The following ZFYVE26 variants were observed in gnomAD, a reference collection of about 807,000 sequenced individuals.
ZFYVE26 encodes zinc finger FYVE domain-containing protein 26.
In ZFYVE26, 181 loss-of-function variants were observed where a neutral mutation model predicts 276.5. The ratio of observed to expected loss-of-function variants is 0.65; its 90% CI spans 0.58 to 0.74. The LOEUF (loss-of-function observed/expected upper bound fraction) is 0.74, where lower values mean the gene tolerates loss of function less well. ZFYVE26 is among the 30% of genes least tolerant of loss of function. The pLI is 0.00. For missense variants in ZFYVE26, 2,821 were observed against 3,097.9 expected (o/e 0.91, Z 2.12); for synonymous variants, 1,129 against 1,203.1 (o/e 0.94, Z 1.27).
chr14:67,751,241 C>T, intron 40 of ZFYVE26, 145 bp from the exon 41 acceptor site: 1 of 821,654 alleles, frequency 1.2e-6, no homozygotes. Flanking sequence ...CATGGGGTCT[C>T]ACTATGTTGC....
In ZFYVE26 at chr14:67,762,310, G is replaced by T. The variant is rs747542484; in HGVS notation, c.6262C>A (p.Arg2088Ser). 1 of 1,614,142 alleles carries T rather than the reference G, an allele frequency of 6.2e-7. No individual in the cohort carries two copies. The highest frequency in any genetic ancestry group is 1.7e-5 in the Admixed American group (1 of 60,024). Residue 2088 changes from arginine to serine, a missense_variant, in exon 34 of 42, where the codon CGC (arginine) becomes AGC (serine). Physicochemically the swap from Arg to Ser is moderately radical, Grantham distance 110. Coordinates refer to ENST00000347230, the MANE Select transcript of ZFYVE26 (RefSeq NM_015346.4). ...NLTAAREKFS[R>S]CLKPPFDLNQ... ...AGGTCAAATGGGGGCTTCAGACAGC[G>T]ACTGAACTTCTCCCGTGCAGCAGTG...
At chr14:67,754,003 A>C (rs1236555895) in intron 38 of ZFYVE26, 68 bp downstream of exon 38, 2 of 1,609,912 alleles carry the variant, frequency 1.2e-6, no homozygotes, top group Non-Finnish European at 1.7e-6. Context: ...TCACTAGACA[A>C]CTGCAATTAT....
intron 14 of ZFYVE26, 118 bp from the exon 15 acceptor site, chr14:67,790,891 AG>A: frequency 1.1e-6 from 1 of 914,718 alleles, no homozygotes; most frequent in Non-Finnish European, 1.8e-6. Context: ...TGTGCTTTGT[AG>A]GGTCAGAAGA....
Position 67,756,049 on chromosome 14 carries a change from G to C in ZFYVE26, c.6685C>G (p.Pro2229Ala). 6.2e-7 allele frequency: 1 copy of C among 1,614,192 alleles called. No homozygotes were observed. The highest frequency in any genetic ancestry group is 8.5e-7 in the Non-Finnish European group (1 of 1,180,026). ...TACTTTCCCCAGCTCTCCAAGGTTG[G>C]ATCAATGGATTCTAGCAAGTTCTCC... ...TLENLLESID[P>A]TLESWGKYLI... Residue 2229 changes from proline (P) to alanine (A), a missense_variant, in exon 36 of 42, where the codon CCA becomes GCA. Pro to Ala is a conservative substitution (Grantham distance 27, BLOSUM62 -1). Coordinates refer to ENST00000347230, the MANE Select transcript of ZFYVE26 (RefSeq NM_015346.4).
At chr14:67,787,303 C>T (rs1365933771) in intron 16 of ZFYVE26, among the ~76,000 whole-genome samples, 2 of 151,908 alleles carry the variant, frequency 1.3e-5, no homozygotes, top group African/African-American at 4.8e-5. Context: ...CTGCAGTGAG[C>T]CGAGATGGCG....
chr14:67,763,439 A>G (rs916893254), intron 32 of ZFYVE26, among the ~76,000 whole-genome samples: 3 of 152,226 alleles, frequency 2.0e-5, no homozygotes, highest in African/African-American at 7.2e-5. Flanking sequence ...GGATCATAAT[A>G]TCATATTTTT....
At chr14:67,761,264 C>T in intron 35 of ZFYVE26, 102 bp downstream of exon 35, 1 of 1,104,646 alleles carries the variant, frequency 9.1e-7, no homozygotes, top group Non-Finnish European at 1.3e-6. Context: ...TAGCTCAACA[C>T]AGGGTTAAGT....
intron 16 of ZFYVE26, among the ~76,000 whole-genome samples, chr14:67,788,303 C>T (rs2039708823): frequency 2.0e-5 from 3 of 152,258 alleles, no homozygotes; most frequent in African/African-American, 4.8e-5. Flanking sequence ...GCAGGAGAAT[C>T]GCTTGAACCC....
At chr14:67,732,015 C>T (rs1594869217) in intron 13 of ZFYVE26, among the ~76,000 whole-genome samples, 1 of 150,902 alleles carries the variant, frequency 6.6e-6, no homozygotes, top group African/African-American at 2.4e-5. Flanking sequence ...TAATCCCAGC[C>T]ACTCAGGAGG....
Position 67,807,799 on chromosome 14 carries a change from C to A in ZFYVE26, c.485G>T (p.Arg162Met). Residue 162 changes from arginine to methionine, a missense_variant, in exon 5 of 42, where the codon AGG (arginine) becomes ATG (methionine). Coordinates refer to ENST00000347230, the MANE Select transcript of ZFYVE26 (RefSeq NM_015346.4). ...GGCCTGTGCTGGCTGGGGAGACTGC[C>A]TCAGGAGATCCCAGAGCACAGAGAC... ...EAVSVLWDLL[R>M]QSPQPAQALL... is the part of the protein sequence containing the mutation. 6 of 1,614,166 alleles carry A rather than the reference C, an allele frequency of 3.7e-6. No homozygotes were observed. Among genetic ancestry groups the A allele is most frequent in the Non-Finnish European group, 5.1e-6 (6 of 1,180,020 alleles).
downstream of ZFYVE26, among the ~76,000 whole-genome samples, chr14:67,743,529 A>C (rs2038444471): frequency 6.7e-6 from 1 of 149,934 alleles, no homozygotes; most frequent in African/African-American, 2.4e-5. Context: ...AATAAAATAA[A>C]ATAAAATAAA....
At chr14:67,744,473 A>C (rs2038456779), downstream of ZFYVE26, among the ~76,000 whole-genome samples, 1 of 152,220 alleles carries the variant, frequency 6.6e-6, no homozygotes, top group Admixed American at 6.5e-5. Flanking sequence ...ATAGGTATAC[A>C]TGTGCCGTGG....
At chr14:67,742,905 C>T (rs527389042), downstream of ZFYVE26, among the ~76,000 whole-genome samples, 1 of 140,214 alleles carries the variant, frequency 7.1e-6, no homozygotes, top group Non-Finnish European at 1.5e-5. Flanking sequence ...AGTGGCACAA[C>T]CTTGGATCAT....
intron 16 of ZFYVE26, among the ~76,000 whole-genome samples, chr14:67,787,067 T>C (rs528451447): frequency 6.6e-6 from 1 of 151,914 alleles, no homozygotes; most frequent in Non-Finnish European, 1.5e-5. Flanking sequence ...TGGGGGAAGA[T>C]GGAGATGGTT....
chr14:67,781,879 C>T (rs1356545246), intron 21 of ZFYVE26, among the ~76,000 whole-genome samples: 1 of 152,208 alleles, frequency 6.6e-6, no homozygotes, highest in Non-Finnish European at 1.5e-5. Flanking sequence ...TTCAGACTCA[C>T]CTTGTCAGTG....
intron 41 of ZFYVE26, among the ~76,000 whole-genome samples, chr14:67,748,989 C>A (rs1360863934): frequency 6.6e-6 from 1 of 152,156 alleles, no homozygotes; most frequent in African/African-American, 2.4e-5. Flanking sequence ...TTGCTCTCGC[C>A]CAGAGTTGTG....
At chr14:67,748,731 A>C in intron 41 of ZFYVE26, 92 bp from the exon 42 acceptor site, 1 of 1,251,538 alleles carries the variant, frequency 8.0e-7, no homozygotes. Flanking sequence ...GCAGACAGAC[A>C]CCATGTCTCA....
rs554580926 is a variant in ZFYVE26 at position 67,789,278 on chromosome 14, T to C, written c.3019+57A>G. 78 of 1,610,242 alleles carry C rather than the reference T, an allele frequency of 4.8e-5. No individual in the cohort carries two copies. In the African/African-American group the frequency reaches 9.3e-4, roughly 19 times the overall value. On this transcript the variant is annotated intron_variant, in intron 16 of 41. Coordinates refer to ENST00000347230, the MANE Select transcript of ZFYVE26 (RefSeq NM_015346.4). ...TTCTTCCTGGACAATTTATCAAGAC[T>C]CTCAGAAACCCATCTCATTTGAGAA...
chr14:67,791,821 A>T (rs2039821517), intron 14 of ZFYVE26, among the ~76,000 whole-genome samples: 1 of 151,760 alleles, frequency 6.6e-6, no homozygotes, highest in Non-Finnish European at 1.5e-5. Flanking sequence ...GCACTTCAGG[A>T]GGCCAAGGAG....
Sources: gnomAD v4.1 joint callset for allele counts (sites outside exome capture counted in the v4.1 genomes callset) on GRCh38, gnomAD v4.1.1 for gene constraint, MANE v1.5 for transcripts, NCBI Gene and HGNC (gene_info 2026-07-23, HGNC 2026-07-21) for gene names.